The following ASPH variants were observed in gnomAD, a reference collection of about 807,000 sequenced individuals.
The protein encoded by ASPH is aspartyl/asparaginyl beta-hydroxylase.
In ASPH, 100 loss-of-function variants were observed where a neutral mutation model predicts 118.4. That is an observed-to-expected ratio of 0.84 (90% CI 0.72 to 1.00). The LOEUF (loss-of-function observed/expected upper bound fraction) is 1.00, where lower values mean the gene tolerates loss of function less well. ASPH is among the 50% of genes least tolerant of loss of function. The pLI, the probability that ASPH is intolerant of heterozygous loss-of-function variation, is 0.00. For synonymous variants in ASPH, 315 were observed against 325.6 expected (o/e 0.97, Z 0.35); for missense variants, 920 against 919.5 (o/e 1.00, Z -0.01).
chr8:61,625,378 T>C lies in ASPH; in HGVS notation c.935-6359A>G, dbSNP rs549051708. 17 of 985,758 alleles carry C rather than the reference T, an allele frequency of 1.7e-5. No individual in the cohort carries two copies. In the African/African-American group the frequency reaches 2.8e-4, roughly 16 times the overall value. The allele number at this position is 985,758 out of a possible 1,614,324, so 61.1% of individuals were successfully genotyped here. On this transcript the variant is annotated intron_variant, in intron 13 of 24. Transcript: ENST00000379454. ...TCTAGTAAGAGCACTGAGCGGTCTCTAGTGCTGGAGGGGAATTACTCAATT... is the reference window on the plus strand; with the variant it reads ...TCTAGTAAGAGCACTGAGCGGTCTCCAGTGCTGGAGGGGAATTACTCAATT...
chr8:61,551,601 C>T (rs1826034265), intron 20 of ASPH, among the ~76,000 whole-genome samples: 1 of 152,156 alleles, frequency 6.6e-6, no homozygotes, highest in Non-Finnish European at 1.5e-5. Context: ...ACTTTTTGCC[C>T]TTGAAGTAAC....
chr8:61,626,281 C>A lies in ASPH; in HGVS notation c.935-7262G>T, dbSNP rs748115566. On this transcript the variant is annotated intron_variant, in intron 13 of 24. Coordinates refer to ENST00000379454, the MANE Select transcript of ASPH (RefSeq NM_004318.4). ...GCAGTCTTTTTGAAGCTTTAAGTATCTGCAAAAATAAGGGGAAATCTAAAT... is the reference window on the plus strand; with the variant it reads ...GCAGTCTTTTTGAAGCTTTAAGTATATGCAAAAATAAGGGGAAATCTAAAT... 2 of 1,564,114 alleles carry A rather than the reference C, an allele frequency of 1.3e-6. No homozygotes were observed. Among genetic ancestry groups the A allele is most frequent in the Non-Finnish European group, 1.7e-6 (2 of 1,158,920 alleles).
chr8:61,693,188 T>G (rs1039929822), intron 1 of ASPH, among the ~76,000 whole-genome samples: 31 of 152,302 alleles, frequency 2.0e-4, no homozygotes, highest in African/African-American at 7.5e-4. Flanking sequence ...AGGTGCTTTT[T>G]GCTTCATTTC....
At chr8:61,702,307 CAG>C (rs748298390) in intron 1 of ASPH, among the ~76,000 whole-genome samples, 3 of 115,786 alleles carry the variant, frequency 2.6e-5, no homozygotes, top group South Asian at 3.0e-4. Context: ...TTTTTTTTGA[CAG>C]AGTCTCGCTC....
At chr8:61,676,111 T>C (rs757065183) in intron 3 of ASPH, 68 of 1,599,348 alleles carry the variant, frequency 4.3e-5, no homozygotes, top group Non-Finnish European at 4.2e-6. Flanking sequence ...CACAAGTCTT[T>C]CCCTGAACCC....
chr8:61,669,736 C>T (rs1206616205), intron 3 of ASPH, among the ~76,000 whole-genome samples: 1 of 152,124 alleles, frequency 6.6e-6, no homozygotes, highest in Admixed American at 6.6e-5. Flanking sequence ...ACATGTTCTC[C>T]CACAGCAGAA....
At chr8:61,549,297 T>C (rs1825022640) in intron 20 of ASPH, among the ~76,000 whole-genome samples, 1 of 151,930 alleles carries the variant, frequency 6.6e-6, no homozygotes, top group South Asian at 2.1e-4. Flanking sequence ...CATTGACTAC[T>C]TTCTTTGAAT....
At chr8:61,611,872 G>A (rs1847479642) in intron 14 of ASPH, among the ~76,000 whole-genome samples, 1 of 152,132 alleles carries the variant, frequency 6.6e-6, no homozygotes, top group Non-Finnish European at 1.5e-5. Flanking sequence ...TTTTCAATTT[G>A]AGTCCAGCCA....
At chr8:61,665,241 T>TC in intron 3 of ASPH, 1 of 1,571,280 alleles carries the variant, frequency 6.4e-7, no homozygotes, top group Non-Finnish European at 8.6e-7. Flanking sequence ...GGGATGATGA[T>TC]GCCAGAGCTT....
intron 14 of ASPH, chr8:61,607,022 C>T: frequency 2.4e-6 from 1 of 416,076 alleles, no homozygotes. Context: ...AGTTGCTTTC[C>T]ATCTCCTGCC....
At chr8:61,509,794 G>A (rs536317997) in intron 24 of ASPH, among the ~76,000 whole-genome samples, 2 of 152,170 alleles carry the variant, frequency 1.3e-5, no homozygotes, top group South Asian at 2.1e-4. Flanking sequence ...AAGGAGAGAT[G>A]TGAGTAGGGG....
At chr8:61,643,273 T>C in intron 9 of ASPH, 113 bp downstream of exon 9, 1 of 1,008,422 alleles carries the variant, frequency 9.9e-7, no homozygotes, top group Non-Finnish European at 1.4e-6. Context: ...ATGCATTAGA[T>C]GTCGAAATTA....
At chr8:61,537,857 A>G (rs1362785624) in intron 21 of ASPH, among the ~76,000 whole-genome samples, 1 of 152,174 alleles carries the variant, frequency 6.6e-6, no homozygotes, top group Non-Finnish European at 1.5e-5. Context: ...GACAAATAAT[A>G]AAAACTCACT....
At chr8:61,637,917 G>T in intron 12 of ASPH, 30 bp downstream of exon 12, 1 of 1,585,098 alleles carries the variant, frequency 6.3e-7, no homozygotes, top group East Asian at 2.2e-5. Context: ...TCATATGGAA[G>T]GTAAAACCAC....
At chr8:61,697,865 T>C (rs940173736) in intron 1 of ASPH, among the ~76,000 whole-genome samples, 1 of 152,184 alleles carries the variant, frequency 6.6e-6, no homozygotes, top group African/African-American at 2.4e-5. Context: ...CAGAGTTCAC[T>C]GTAGCCTTGA....
At chr8:61,705,817 C>CACAT (rs34167810) in intron 1 of ASPH, among the ~76,000 whole-genome samples, 61,578 of 151,704 alleles carry the variant, frequency 0.41, 14,967 homozygotes, top group Non-Finnish European at 0.55. Context: ...TAGCTACAGG[C>CACAT]ACATGTAAAT....
At chr8:61,700,734 T>A (rs1563649241) in intron 1 of ASPH, among the ~76,000 whole-genome samples, 4 of 152,232 alleles carry the variant, frequency 2.6e-5, no homozygotes. Flanking sequence ...AAAGGATTCA[T>A]AACACTTAGA....
In ASPH at chr8:61,710,964, T is replaced by C. The variant is rs942230927; in HGVS notation, c.103+3305A>G. 5.3e-5 allele frequency among the ~76,000 whole-genome samples: 8 copies of C among 152,312 alleles called. No individual in the cohort carries two copies. The East Asian group carries it at 1.5e-3, about 29-fold the overall frequency. On this transcript the variant is annotated intron_variant, in intron 1 of 24. Coordinates refer to ENST00000379454, the MANE Select transcript of ASPH (RefSeq NM_004318.4). ...AGTACAGGAATATATTTCATTCTAA[T>C]TAAGCCTAAACAAAAAGGCTGCTCA...
chr8:61,616,338 A>G (rs1469910199), intron 14 of ASPH, among the ~76,000 whole-genome samples: 1 of 152,198 alleles, frequency 6.6e-6, no homozygotes, highest in African/African-American at 2.4e-5. Flanking sequence ...CATGAGAGGC[A>G]GAGATATGAG....
Sources: allele counts gnomAD v4.1 joint callset (sites outside exome capture counted in the v4.1 genomes callset), GRCh38; gene constraint gnomAD v4.1.1; transcripts MANE v1.5; gene names NCBI Gene and HGNC (gene_info 2026-07-23, HGNC 2026-07-21).